Variants in ACMSD observed in about 807,000 individuals in gnomAD.
ACMSD encodes the protein aminocarboxymuconate semialdehyde decarboxylase, also known as 2-amino-3-carboxymuconate-6-semialdehyde decarboxylase.
In ACMSD, 37 loss-of-function variants were observed where a neutral mutation model predicts 45.9. The ratio of observed to expected loss-of-function variants is 0.81; its 90% CI spans 0.62 to 1.06. The LOEUF is 1.06. ACMSD is among the 50% of genes least tolerant of loss of function. ACMSD has a pLI of 0.00. For missense variants in ACMSD, 434 were observed against 420.9 expected, an observed-to-expected ratio of 1.03 and a Z score of -0.27; for synonymous variants, 138 against 148.8, an observed-to-expected ratio of 0.93 and a Z score of 0.53.
At chr2:134,852,607 A>G (rs1223933106) in intron 2 of ACMSD, among the ~76,000 whole-genome samples, 1 of 152,202 alleles carries the variant, frequency 6.6e-6, no homozygotes, top group African/African-American at 2.4e-5. Flanking sequence ...CCAGGGACCA[A>G]GAAGAAAAAC....
intron 5 of ACMSD, among the ~76,000 whole-genome samples, chr2:134,864,347 C>T (rs1687994727): frequency 6.6e-6 from 1 of 151,676 alleles, no homozygotes; most frequent in South Asian, 2.1e-4. Flanking sequence ...AAGAAATTAT[C>T]GAAAATACAG....
chr2:134,871,946 C>T (rs1410964338), intron 7 of ACMSD, among the ~76,000 whole-genome samples: 1 of 143,386 alleles, frequency 7.0e-6, no homozygotes, highest in South Asian at 2.4e-4. Context: ...TATCTTTACA[C>T]ACTTGCCTTC....
intron 8 of ACMSD, among the ~76,000 whole-genome samples, chr2:134,891,998 G>A (rs1689811366): frequency 6.6e-6 from 1 of 152,092 alleles, no homozygotes; most frequent in Non-Finnish European, 1.5e-5. Flanking sequence ...AATACCACAT[G>A]TTCTTACTTA....
At chr2:134,878,921 T>C (rs1688893091) in intron 8 of ACMSD, among the ~76,000 whole-genome samples, 1 of 152,240 alleles carries the variant, frequency 6.6e-6, no homozygotes, top group Non-Finnish European at 1.5e-5. Flanking sequence ...TTTGGGTTTC[T>C]GCTAAGGTGG....
intron 5 of ACMSD, 111 bp downstream of exon 5, chr2:134,863,742 C>T (rs1442814009): frequency 5.6e-6 from 6 of 1,074,180 alleles, no homozygotes; most frequent in African/African-American, 1.6e-5. Context: ...GAGGGGAGAG[C>T]GGTGTCCACG....
intron 5 of ACMSD, among the ~76,000 whole-genome samples, chr2:134,864,304 C>G (rs1687992917): frequency 6.6e-6 from 1 of 150,380 alleles, no homozygotes; most frequent in African/African-American, 2.4e-5. Context: ...AAAAAAAATA[C>G]TAAACATTTT....
chr2:134,863,423 G>A lies in ACMSD; in HGVS notation c.278G>A (p.Cys93Tyr). 6.2e-7 allele frequency: 1 copy of A among 1,614,184 alleles called. No individual in the cohort carries two copies. The highest frequency in any genetic ancestry group is 8.5e-7 in the Non-Finnish European group (1 of 1,180,040). Residue 93 changes from cysteine (C) to tyrosine (Y), a missense_variant, in exon 5 of 10, where the codon TGC becomes TAC. Coordinates refer to ENST00000356140, the MANE Select transcript of ACMSD (RefSeq NM_138326.3). ...AAACCTGAGGACACTTTAAACCTGT[G>A]CCAGCTTTTAAACAACGACCTTGCC... ...WAKPEDTLNL[C>Y]QLLNNDLAST...
chr2:134,845,911 AG>A (rs1687033551), intron 2 of ACMSD, among the ~76,000 whole-genome samples: 1 of 152,158 alleles, frequency 6.6e-6, no homozygotes, highest in East Asian at 1.9e-4. Flanking sequence ...AATATTCTTG[AG>A]CTTCCAGCTG....
chr2:134,848,951 G>A (rs1044614031), intron 2 of ACMSD, among the ~76,000 whole-genome samples: 1 of 152,176 alleles, frequency 6.6e-6, no homozygotes, highest in Non-Finnish European at 1.5e-5. Context: ...TTCAAACACT[G>A]TGCTTCACTT....
At chr2:134,889,997 CTTTA>C (rs1689685486) in intron 8 of ACMSD, among the ~76,000 whole-genome samples, 2 of 151,866 alleles carry the variant, frequency 1.3e-5, no homozygotes, top group South Asian at 4.2e-4. Flanking sequence ...GAAATCTCTT[CTTTA>C]TAATGAATAT....
rs566947149 is a variant in ACMSD, at chr2:134,861,892, C to T, written c.200-77C>T. 2.7e-5 allele frequency: 42 copies of T among 1,531,540 alleles called. No homozygotes were observed. In the Middle Eastern group the frequency reaches 5.1e-4, roughly 19 times the overall value. 94.9% of individuals were successfully genotyped at this position (1,531,540 alleles called of 1,614,324 possible). ...GGAGTTTAGGGTGGAGGCTTGCTGC[C>T]GCTTGGCCTTGGGAAAGGAAGGAGT... is the stretch of plus-strand genomic sequence containing the variant. On this transcript the variant is annotated intron_variant, in intron 3 of 9. Transcript: ENST00000356140.
chr2:134,894,090 A>G (rs1378323528), intron 8 of ACMSD, among the ~76,000 whole-genome samples: 1 of 152,130 alleles, frequency 6.6e-6, no homozygotes, highest in Non-Finnish European at 1.5e-5. Context: ...CTAAATCCCA[A>G]GCAAGCAGAA....
chr2:134,889,275 ATG>A (rs1008065097), intron 8 of ACMSD, among the ~76,000 whole-genome samples: 1 of 152,158 alleles, frequency 6.6e-6, no homozygotes, highest in African/African-American at 2.4e-5. Flanking sequence ...AAATATAGAT[ATG>A]TGTGTGTGAG....
At chr2:134,874,303 T>C (rs933440382) in intron 8 of ACMSD, among the ~76,000 whole-genome samples, 20 of 152,256 alleles carry the variant, frequency 1.3e-4, no homozygotes, top group Non-Finnish European at 2.1e-4. Flanking sequence ...AAAGCAAATG[T>C]GACCTTATTT....
chr2:134,838,855 G>T, intron 1 of ACMSD, 116 bp downstream of exon 1: 2 of 644,882 alleles, frequency 3.1e-6, no homozygotes, highest in Admixed American at 3.2e-5. Flanking sequence ...GGGGCGAGGG[G>T]GTTAAATCAT....
intron 6 of ACMSD, among the ~76,000 whole-genome samples, chr2:134,867,981 A>G (rs1206564679): frequency 6.6e-6 from 1 of 152,184 alleles, no homozygotes; most frequent in East Asian, 1.9e-4. Context: ...TGTCCAGGTC[A>G]CACAGTTAAT....
chr2:134,846,033 A>G (rs368828255), intron 2 of ACMSD, among the ~76,000 whole-genome samples: 2 of 152,168 alleles, frequency 1.3e-5, no homozygotes, highest in African/African-American at 4.8e-5. Context: ...CCTTTACATC[A>G]GGTGCTAAGG....
rs1559056013 is a variant in ACMSD, at chr2:134,872,659, CTT to C, written c.849+19_849+20del. On this transcript the variant is annotated intron_variant, in intron 8 of 9. Coordinates refer to ENST00000356140, the MANE Select transcript of ACMSD (RefSeq NM_138326.3). ...TAGGAAAGGTAAGCCCAGTCTGCCA[CTT>C]GGATGGCTTATGGGGAGCAGAATGC... 1.2e-6 allele frequency: 2 copies of C among 1,614,010 alleles called. No individual in the cohort carries two copies. Among genetic ancestry groups the C allele is most frequent in the African/African-American group, 2.7e-5 (2 of 75,058 alleles).
At chr2:134,865,864 C>A (rs770859926) in intron 5 of ACMSD, among the ~76,000 whole-genome samples, 5 of 152,178 alleles carry the variant, frequency 3.3e-5, no homozygotes, top group Non-Finnish European at 4.4e-5. Flanking sequence ...CCCAGCTCCA[C>A]CATCTATCAG....
Sources: gnomAD v4.1 joint callset for allele counts (sites outside exome capture counted in the v4.1 genomes callset) on GRCh38, gnomAD v4.1.1 for gene constraint, MANE v1.5 for transcripts, NCBI Gene and HGNC (gene_info 2026-07-23, HGNC 2026-07-21) for gene names.